The following UNC5C variants were observed in gnomAD, a reference collection of about 807,000 sequenced individuals.
UNC5C encodes the protein unc-5 netrin receptor C.
Under a neutral mutation model 99.8 loss-of-function variants are expected in UNC5C, and 47 were observed. The observed-to-expected ratio is 0.47, with a 90% confidence interval of 0.37 to 0.60. The LOEUF (loss-of-function observed/expected upper bound fraction) is 0.60. Ranked by LOEUF, UNC5C falls within the 20% of genes least tolerant of loss-of-function variation. The pLI, the probability that UNC5C is intolerant of heterozygous loss-of-function variation, is 0.00. For synonymous variants in UNC5C, 487 were observed against 452.2 expected (o/e 1.08, Z -0.98); for missense variants, 1,062 against 1,165.9 (o/e 0.91, Z 1.30).
At chr4:95,224,499 T>C (rs963257532) in intron 7 of UNC5C, among the ~76,000 whole-genome samples, 1 of 152,224 alleles carries the variant, frequency 6.6e-6, no homozygotes, top group Non-Finnish European at 1.5e-5. Context: ...TCGATTTGAA[T>C]GTCAACTTTC....
At chr4:95,354,235 T>C (rs934964908) in intron 1 of UNC5C, among the ~76,000 whole-genome samples, 5 of 151,912 alleles carry the variant, frequency 3.3e-5, no homozygotes, top group African/African-American at 4.8e-5. Context: ...TAAGTCCCCC[T>C]GTGGTTTAAA....
At chr4:95,317,454 A>T (rs1742519609) in intron 2 of UNC5C, among the ~76,000 whole-genome samples, 1 of 151,234 alleles carries the variant, frequency 6.6e-6, no homozygotes, top group Admixed American at 6.6e-5. Flanking sequence ...GCATGTGTAT[A>T]TGTGCGTGTG....
At chr4:95,170,439 A>G (rs1298713853) in intron 14 of UNC5C, 107 bp from the exon 15 acceptor site, 1 of 1,312,914 alleles carries the variant, frequency 7.6e-7, no homozygotes, top group Non-Finnish European at 1.1e-6. Context: ...GAAAAGAATG[A>G]ATGCTGTTAT....
chr4:95,179,763 AAAG>A (rs1290322897), intron 14 of UNC5C, among the ~76,000 whole-genome samples: 1 of 150,178 alleles, frequency 6.7e-6, no homozygotes, highest in Admixed American at 6.6e-5. Context: ...AAAAAAAAAA[AAAG>A]AAAAAGATGA....
intron 4 of UNC5C, among the ~76,000 whole-genome samples, chr4:95,268,206 T>G (rs533480524): frequency 1.3e-5 from 2 of 152,326 alleles, no homozygotes; most frequent in East Asian, 3.9e-4. Flanking sequence ...CCCAAGGTGC[T>G]GGGATTACAG....
intron 1 of UNC5C, among the ~76,000 whole-genome samples, chr4:95,536,082 A>ATATATATT (rs1180330785): frequency 7.6e-5 from 6 of 78,444 alleles, no homozygotes; most frequent in African/African-American, 2.4e-4. Context: ...ATATATATAT[A>ATATATATT]TTTTTTTTTT....
At chr4:95,333,543 G>A (rs1579333449) in intron 2 of UNC5C, among the ~76,000 whole-genome samples, 1 of 143,656 alleles carries the variant, frequency 7.0e-6, no homozygotes, top group East Asian at 2.1e-4. Context: ...GACACAGGAA[G>A]GGGAACATCA....
At chr4:95,317,269 A>G (rs1454973442) in intron 2 of UNC5C, among the ~76,000 whole-genome samples, 2 of 152,198 alleles carry the variant, frequency 1.3e-5, no homozygotes, top group Non-Finnish European at 2.9e-5. Flanking sequence ...CTCAATGTGC[A>G]GGAAAAGGCA....
chr4:95,375,433 T>G (rs952448875), intron 1 of UNC5C, among the ~76,000 whole-genome samples: 4 of 152,110 alleles, frequency 2.6e-5, no homozygotes, highest in African/African-American at 9.7e-5. Flanking sequence ...AAGAAATACG[T>G]CAGTATTCCT....
At chr4:95,179,281 T>TAAAC (rs1201698084) in intron 14 of UNC5C, among the ~76,000 whole-genome samples, 5 of 152,208 alleles carry the variant, frequency 3.3e-5, no homozygotes, top group Admixed American at 6.5e-5. Flanking sequence ...GCAGAAGATG[T>TAAAC]AAACAGATGA....
In UNC5C at chr4:95,220,103, A is replaced by G. The variant is rs202223115; in HGVS notation, c.1182T>C (p.Ser394=). The G allele has an allele frequency of 3.1e-6, 5 of 1,614,182 alleles. 1 individual carries two copies. The South Asian group carries it at 3.3e-5, about 11-fold the overall frequency. The change falls in exon 8 of 16, where the codon TCT becomes TCC. Residue 394 remains serine, a synonymous_variant. Coordinates refer to ENST00000453304, the MANE Select transcript of UNC5C (RefSeq NM_003728.4). ...GATACACAAACAAGGCCACAACTAC[A>G]GAGATCGCCAGGCAAACGATCACTG... ...VIAVIVCLAI[S]VVVALFVYRK... is the part of the protein sequence containing the mutation.
At chr4:95,444,490 CCTGG>C (rs1189727513) in intron 1 of UNC5C, among the ~76,000 whole-genome samples, 1 of 152,160 alleles carries the variant, frequency 6.6e-6, no homozygotes, top group East Asian at 1.9e-4. Context: ...TGCCACCTTG[CCTGG>C]CTAATTTTTT....
intron 1 of UNC5C, among the ~76,000 whole-genome samples, chr4:95,386,836 C>A (rs34058152): frequency 0.23 from 34,564 of 151,956 alleles, 4,607 homozygotes; most frequent in East Asian, 0.64. Flanking sequence ...ATGTGTGAAG[C>A]TGTGTTTTTT....
At chr4:95,499,830 G>A (rs1028129656) in intron 1 of UNC5C, among the ~76,000 whole-genome samples, 1 of 152,016 alleles carries the variant, frequency 6.6e-6, no homozygotes, top group African/African-American at 2.4e-5. Context: ...GGAGCACTGG[G>A]GAGGAAAAGA....
intron 3 of UNC5C, among the ~76,000 whole-genome samples, chr4:95,300,141 T>C (rs1480272846): frequency 6.6e-6 from 1 of 152,180 alleles, no homozygotes; most frequent in Non-Finnish European, 1.5e-5. Context: ...AGAAAATATA[T>C]GGATTTCAGC....
intron 1 of UNC5C, among the ~76,000 whole-genome samples, chr4:95,370,234 A>G (rs1744703708): frequency 6.6e-6 from 1 of 152,204 alleles, no homozygotes; most frequent in South Asian, 2.1e-4. Flanking sequence ...TTATTATGGA[A>G]TACATGTTAA....
intron 1 of UNC5C, among the ~76,000 whole-genome samples, chr4:95,497,472 C>T (rs989891902): frequency 1.3e-5 from 2 of 151,898 alleles, no homozygotes; most frequent in African/African-American, 2.4e-5. Context: ...ATTCAATGAT[C>T]ATTCACCTGG....
At chr4:95,292,491 G>C (rs1394768827) in intron 3 of UNC5C, among the ~76,000 whole-genome samples, 1 of 152,078 alleles carries the variant, frequency 6.6e-6, no homozygotes, top group East Asian at 1.9e-4. Flanking sequence ...CATTGTGACA[G>C]GAATCACCCT....
In UNC5C at chr4:95,463,513, G is replaced by A. The variant is rs561703445; in HGVS notation, c.124+85221C>T. Among the ~76,000 whole-genome samples the A allele has an allele frequency of 5.0e-3, 630 of 127,240 alleles. 10 individuals are homozygous for A. Among genetic ancestry groups the A allele is most frequent in the African/African-American group, 0.029 (595 of 20,442 alleles). The allele number at this position is 127,240 out of a possible 152,430, so 83.5% of individuals were successfully genotyped here. ...TGGAAAGCAGAGCACAGAGCAGATG[G>A]CCAGAGGAGGAAACGTGGGGGTTTC... On this transcript the variant is annotated intron_variant, in intron 1 of 15. Transcript: ENST00000453304.
Sources: allele counts gnomAD v4.1 joint callset (sites outside exome capture counted in the v4.1 genomes callset), GRCh38; gene constraint gnomAD v4.1.1; transcripts MANE v1.5; gene names NCBI Gene and HGNC (gene_info 2026-07-23, HGNC 2026-07-21).